The following SLC24A2 variants were observed in gnomAD, a reference collection of about 807,000 sequenced individuals.
SLC24A2 encodes the protein sodium/potassium/calcium exchanger 2.
Under a neutral mutation model 62.0 loss-of-function variants are expected in SLC24A2, and 36 were observed. The ratio of observed to expected loss-of-function variants is 0.58; its 90% CI spans 0.44 to 0.77. The LOEUF is 0.77. Ranked by LOEUF, SLC24A2 falls within the 30% of genes least tolerant of loss-of-function variation. SLC24A2 has a pLI of 0.00. For missense variants in SLC24A2, 846 were observed against 817.9 expected, an observed-to-expected ratio of 1.03 and a Z score of -0.42; for synonymous variants, 358 against 294.0, an observed-to-expected ratio of 1.22 and a Z score of -2.23.
At chr9:20,240,178 A>G in the SLC24A2 span, among the ~76,000 whole-genome samples, 1 of 152,118 alleles carries the variant, frequency 6.6e-6, no homozygotes, top group South Asian at 2.1e-4. Context: ...AGAGAGGTGG[A>G]GGAGAGAGAG....
intron 2 of SLC24A2, among the ~76,000 whole-genome samples, chr9:19,733,710 T>C (rs1217288840): frequency 6.6e-6 from 1 of 152,218 alleles, no homozygotes; most frequent in Non-Finnish European, 1.5e-5. Context: ...TTCTCCAATG[T>C]CCTCTGGACC....
chr9:19,962,294 G>T, the SLC24A2 span, among the ~76,000 whole-genome samples: 1 of 152,174 alleles, frequency 6.6e-6, no homozygotes, highest in African/African-American at 2.4e-5. Context: ...AAGTCAGGTA[G>T]CGTGATGCCT....
the SLC24A2 span, among the ~76,000 whole-genome samples, chr9:20,257,949 G>T: frequency 6.3e-4 from 96 of 152,282 alleles, 1 homozygote; most frequent in African/African-American, 2.3e-3. Flanking sequence ...AAAGGGGGCT[G>T]TCTAAAAATA....
chr9:19,799,124 T>C, the SLC24A2 span, among the ~76,000 whole-genome samples: 1 of 152,154 alleles, frequency 6.6e-6, no homozygotes, highest in Non-Finnish European at 1.5e-5. Flanking sequence ...ATTTCTACTG[T>C]TTCTATTTGT....
the SLC24A2 span, among the ~76,000 whole-genome samples, chr9:20,126,544 T>C: frequency 6.6e-6 from 1 of 152,192 alleles, no homozygotes; most frequent in Non-Finnish European, 1.5e-5. Flanking sequence ...ACATTAAATT[T>C]TAAAAATACA....
the SLC24A2 span, among the ~76,000 whole-genome samples, chr9:19,920,903 T>G: frequency 2.0e-5 from 3 of 152,290 alleles, no homozygotes; most frequent in Admixed American, 2.0e-4. Context: ...TGCTCCTGTT[T>G]GTATGTGACC....
the SLC24A2 span, among the ~76,000 whole-genome samples, chr9:20,026,262 T>C: frequency 2.6e-5 from 4 of 152,180 alleles, no homozygotes; most frequent in African/African-American, 7.2e-5. Context: ...ACAGGCCCCA[T>C]TTAAAGTCAT....
intron 2 of SLC24A2, among the ~76,000 whole-genome samples, chr9:19,704,899 G>T (rs1451142760): frequency 1.3e-5 from 2 of 151,238 alleles, no homozygotes; most frequent in Non-Finnish European, 2.9e-5. Flanking sequence ...AAACAGATCG[G>T]TTTCCCTTAA....
intron 2 of SLC24A2, among the ~76,000 whole-genome samples, chr9:19,699,971 C>T (rs756820248): frequency 2.0e-5 from 3 of 152,122 alleles, no homozygotes; most frequent in Non-Finnish European, 4.4e-5. Context: ...ATTTGTTTTG[C>T]TGCTTACTGG....
At chr9:20,281,270 T>C in the SLC24A2 span, among the ~76,000 whole-genome samples, 2 of 152,178 alleles carry the variant, frequency 1.3e-5, no homozygotes, top group African/African-American at 4.8e-5. Context: ...ACAACAGCAC[T>C]CTTTATCTTA....
the SLC24A2 span, among the ~76,000 whole-genome samples, chr9:20,065,791 CCA>C: frequency 6.6e-6 from 1 of 152,092 alleles, no homozygotes; most frequent in African/African-American, 2.4e-5. Context: ...ATTACATATG[CCA>C]CACTGTCCAA....
chr9:20,019,165 G>C, the SLC24A2 span, among the ~76,000 whole-genome samples: 5 of 132,918 alleles, frequency 3.8e-5, no homozygotes, highest in East Asian at 1.1e-3. Flanking sequence ...AAGAGAGAGA[G>C]ACAGAAAGAA....
At chr9:19,846,142 C>G in the SLC24A2 span, among the ~76,000 whole-genome samples, 1 of 152,058 alleles carries the variant, frequency 6.6e-6, no homozygotes. Context: ...TTCAGAATTT[C>G]TTTGTTAGTT....
At chr9:19,545,967 C>T (rs1834545185) in intron 8 of SLC24A2, among the ~76,000 whole-genome samples, 1 of 152,214 alleles carries the variant, frequency 6.6e-6, no homozygotes, top group Admixed American at 6.5e-5. Flanking sequence ...CCCTGTGCTG[C>T]AGGTCTGTTG....
chr9:19,572,439 G>A (rs1835865279), intron 7 of SLC24A2, among the ~76,000 whole-genome samples: 1 of 152,032 alleles, frequency 6.6e-6, no homozygotes, highest in Non-Finnish European at 1.5e-5. Flanking sequence ...AATCTGGGGG[G>A]CAGATTTCCC....
At chr9:19,863,715 A>G in the SLC24A2 span, among the ~76,000 whole-genome samples, 2 of 143,642 alleles carry the variant, frequency 1.4e-5, no homozygotes, top group African/African-American at 5.1e-5. Flanking sequence ...TGGAGCCATA[A>G]GGGAAGTTTA....
At chr9:20,194,641 A>G in the SLC24A2 span, among the ~76,000 whole-genome samples, 3 of 152,184 alleles carry the variant, frequency 2.0e-5, no homozygotes, top group East Asian at 5.8e-4. Flanking sequence ...CATTTGGAAT[A>G]TATTATTAAC....
chr9:19,803,707 T>C, the SLC24A2 span, among the ~76,000 whole-genome samples: 1 of 152,174 alleles, frequency 6.6e-6, no homozygotes, highest in African/African-American at 2.4e-5. Context: ...AGAAATGAGA[T>C]AATAAAAATT....
the SLC24A2 span, among the ~76,000 whole-genome samples, chr9:19,906,457 A>G: frequency 6.6e-5 from 10 of 151,964 alleles, no homozygotes; most frequent in African/African-American, 1.9e-4. Context: ...AGCTAGCAGA[A>G]GGCAAGAAAT....
Sources: gnomAD v4.1 joint callset for allele counts (sites outside exome capture counted in the v4.1 genomes callset) on GRCh38, gnomAD v4.1.1 for gene constraint, MANE v1.5 for transcripts, NCBI Gene and HGNC (gene_info 2026-07-23, HGNC 2026-07-21) for gene names.